The following CC2D2B variants were observed in gnomAD, a reference collection of about 807,000 sequenced individuals.
CC2D2B encodes the protein coiled-coil and C2 domain containing 2B, also known as protein CC2D2B.
In CC2D2B, 128 loss-of-function variants were observed where a neutral mutation model predicts 161.2. That is an observed-to-expected ratio of 0.79 (90% CI 0.69 to 0.92). The LOEUF (loss-of-function observed/expected upper bound fraction) is 0.92, where lower values mean the gene tolerates loss of function less well. CC2D2B is among the 40% of genes least tolerant of loss of function. The probability of loss-of-function intolerance (pLI) is 0.00; values close to 1 mark genes in which losing one functional copy is unlikely to be tolerated. For missense variants in CC2D2B, 1,173 were observed against 1,375.1 expected (o/e 0.85, Z 2.32); for synonymous variants, 391 against 449.8 (o/e 0.87, Z 1.65).
At chr10:95,932,428 C>G (rs2075640171) in intron 6 of CC2D2B, among the ~76,000 whole-genome samples, 1 of 152,100 alleles carries the variant, frequency 6.6e-6, no homozygotes, top group African/African-American at 2.4e-5. Context: ...CATTACGATG[C>G]TAGCTGGTTA....
intron 33 of CC2D2B, among the ~76,000 whole-genome samples, chr10:96,026,763 C>T (rs2079797936): frequency 2.0e-5 from 3 of 152,148 alleles, no homozygotes; most frequent in Admixed American, 2.0e-4. Flanking sequence ...TGAATGGTGG[C>T]AGACACCTCT....
In CC2D2B at chr10:95,996,218, C is replaced by A; in HGVS notation, c.2815C>A (p.Pro939Thr). 6.6e-7 allele frequency: 1 copy of A among 1,510,750 alleles called. No homozygotes were observed. The highest frequency in any genetic ancestry group is 8.9e-7 in the Non-Finnish European group (1 of 1,129,654). 93.6% of individuals were successfully genotyped at this position (1,510,750 alleles called of 1,614,324 possible). ...AACCAATACAGCAAGTGGATCTCAT[C>A]CATGCTGGAATGAAGAAATTAAAGT... The part of the protein sequence containing the change: ...YKTNTASGSH[P>T]CWNEEIKVDF... Residue 939 changes from proline to threonine, a missense_variant, in exon 24 of 35, where the codon CCA becomes ACA. Transcript: ENST00000646931.
At chr10:96,025,192 A>AATAT (rs10524712) in intron 33 of CC2D2B, among the ~76,000 whole-genome samples, 848 of 49,138 alleles carry the variant, frequency 0.017, 50 homozygotes, top group East Asian at 0.053. Flanking sequence ...TATAAAAAAA[A>AATAT]ATATATATAT....
At chr10:95,908,558 A>G (rs2098500236) in intron 1 of CC2D2B, among the ~76,000 whole-genome samples, 1 of 152,138 alleles carries the variant, frequency 6.6e-6, no homozygotes, top group African/African-American at 2.4e-5. Context: ...AAGGTTGGAG[A>G]TGCCAGGGAG....
At chr10:95,933,462 G>A (rs141530724) in intron 6 of CC2D2B, among the ~76,000 whole-genome samples, 17 of 152,150 alleles carry the variant, frequency 1.1e-4, no homozygotes, top group African/African-American at 2.9e-4. Context: ...GAAAAGAGGC[G>A]TTCTGGTTTT....
intron 25 of CC2D2B, among the ~76,000 whole-genome samples, chr10:96,008,597 T>C (rs919550967): frequency 6.6e-6 from 1 of 152,110 alleles, no homozygotes; most frequent in African/African-American, 2.4e-5. Context: ...ACTCTAATAG[T>C]TGTGTGGTGG....
chr10:96,003,159 A>C (rs2078583899), intron 24 of CC2D2B, among the ~76,000 whole-genome samples: 1 of 151,864 alleles, frequency 6.6e-6, no homozygotes, highest in South Asian at 2.1e-4. Flanking sequence ...TGTGAGCTTC[A>C]GTTTCTCTGT....
chr10:96,019,149 A>G (rs1240142892), intron 30 of CC2D2B, 54 bp from the exon 31 acceptor site: 2 of 1,412,086 alleles, frequency 1.4e-6, no homozygotes, highest in African/African-American at 2.9e-5. Flanking sequence ...TATAATTTCC[A>G]TATATAGAAA....
intron 17 of CC2D2B, among the ~76,000 whole-genome samples, chr10:95,975,828 T>C (rs1288438475): frequency 6.6e-6 from 1 of 152,204 alleles, no homozygotes; most frequent in African/African-American, 2.4e-5. Context: ...CTTACAGTTA[T>C]TAAAGGTAAT....
At chr10:95,932,266 T>C (rs1241246668) in intron 6 of CC2D2B, among the ~76,000 whole-genome samples, 2 of 152,232 alleles carry the variant, frequency 1.3e-5, no homozygotes, top group African/African-American at 4.8e-5. Flanking sequence ...TTTGAGCCTA[T>C]GTGTGTCTTT....
intron 25 of CC2D2B, among the ~76,000 whole-genome samples, chr10:96,006,270 G>A (rs10786256): frequency 0.55 from 81,610 of 149,454 alleles, 22,450 homozygotes; most frequent in East Asian, 0.8. Flanking sequence ...AATTTATCTC[G>A]GTAAACATCT....
intron 6 of CC2D2B, among the ~76,000 whole-genome samples, chr10:95,927,590 G>T (rs1384098614): frequency 1.5e-5 from 2 of 130,860 alleles, no homozygotes; most frequent in Non-Finnish European, 3.3e-5. Context: ...CAGGCATTAT[G>T]CTTATCTTTA....
At chr10:95,956,641 T>A (rs2076576685) in intron 11 of CC2D2B, among the ~76,000 whole-genome samples, 1 of 152,128 alleles carries the variant, frequency 6.6e-6, no homozygotes, top group Non-Finnish European at 1.5e-5. Flanking sequence ...AGAACCTGTC[T>A]GATGTAACTG....
chr10:95,989,203 T>C (rs2077849434), intron 20 of CC2D2B, among the ~76,000 whole-genome samples: 1 of 152,230 alleles, frequency 6.6e-6, no homozygotes, highest in South Asian at 2.1e-4. Context: ...GGCAGGTGTC[T>C]GAAGACCTGT....
In CC2D2B at chr10:95,974,156, G is replaced by T. The variant is rs570867636; in HGVS notation, c.1943G>T (p.Ser648Ile). 8.1e-7 allele frequency: 1 copy of T among 1,227,380 alleles called. No individual in the cohort carries two copies. The highest frequency in any genetic ancestry group is 1.0e-6 in the Non-Finnish European group (1 of 983,920). 76.0% of individuals were successfully genotyped at this position (1,227,380 alleles called of 1,614,324 possible). ...MPQSLRSSYCSMLRNVDARSV... is the reference protein window; with the variant it reads ...MPQSLRSSYCIMLRNVDARSV... ...CAATCATTAAGATCTTCTTACTGCA[G>T]GTAATAAACTTTTATCTTTGAAAAA... The change falls in exon 17 of 35, where the codon AGT (serine) becomes ATT (isoleucine). Residue 648 changes from serine to isoleucine, a missense_variant and splice_region_variant. By Grantham distance (142) the Ser-to-Ile change is moderately radical. Coordinates refer to ENST00000646931, the MANE Select transcript of CC2D2B (RefSeq NM_001349008.3).
chr10:95,968,812 G>T lies in CC2D2B; in HGVS notation c.1555G>T (p.Val519Leu). Residue 519 changes from valine (V) to leucine (L), a missense_variant, in exon 15 of 35, where the codon GTA (valine) becomes TTA (leucine). Val to Leu is a conservative substitution (Grantham distance 32). Transcript: ENST00000646931. ...CAATAAACAGGTTTCTTGTACTTCAGTATCTCCCCTACAGTTTGATTTTAA... is the reference window on the plus strand; with the variant it reads ...CAATAAACAGGTTTCTTGTACTTCATTATCTCCCCTACAGTTTGATTTTAA... ...YNNKQVSCTS[V>L]SPLQFDFKVM... 1 of 1,202,966 alleles carries T rather than the reference G, an allele frequency of 8.3e-7. No homozygotes were observed. Among genetic ancestry groups the T allele is most frequent in the Non-Finnish European group, 1.0e-6 (1 of 961,602 alleles). The allele number at this position is 1,202,966 out of a possible 1,614,324, so 74.5% of individuals were successfully genotyped here. A position where few individuals can be genotyped will look rare whatever the true frequency, so the allele number is the denominator to read the frequency against.
At position 96,015,454 on chromosome 10, in the gene CC2D2B, C is replaced by T. The variant is rs2079155084; in HGVS notation, c.3517-747C>T. ...CTGAGCATTTGGACCCAAGTCTTTGCTAGAGTTTGTTTTTGTTTTTTTTTT... is the reference window on the plus strand; with the variant it reads ...CTGAGCATTTGGACCCAAGTCTTTGTTAGAGTTTGTTTTTGTTTTTTTTTT... On this transcript the variant is annotated intron_variant, in intron 29 of 34. Coordinates refer to ENST00000646931, the MANE Select transcript of CC2D2B (RefSeq NM_001349008.3). Among the ~76,000 whole-genome samples, 3 of 131,156 alleles carry T rather than the reference C, an allele frequency of 2.3e-5. No individual in the cohort carries two copies. The South Asian group carries it at 8.0e-4, about 35-fold the overall frequency. The allele number at this position is 131,156 out of a possible 152,430, so 86.0% of individuals were successfully genotyped here.
At chr10:96,013,126 A>G (rs2079057637) in intron 28 of CC2D2B, among the ~76,000 whole-genome samples, 4 of 152,216 alleles carry the variant, frequency 2.6e-5, no homozygotes, top group African/African-American at 7.2e-5. Context: ...GTAGAAGGTC[A>G]TAATGGCACA....
At chr10:95,927,038 G>A (rs962945435) in intron 5 of CC2D2B, among the ~76,000 whole-genome samples, 199 bp from the exon 6 acceptor site, 7 of 152,106 alleles carry the variant, frequency 4.6e-5, no homozygotes, top group South Asian at 2.1e-4. Context: ...GCAGTTACCC[G>A]AACATTAGAA....
Sources: gnomAD v4.1 joint callset for allele counts (sites outside exome capture counted in the v4.1 genomes callset) on GRCh38, gnomAD v4.1.1 for gene constraint, MANE v1.5 for transcripts, NCBI Gene and HGNC (gene_info 2026-07-23, HGNC 2026-07-21) for gene names.